Variants in ATG9B observed in about 807,000 individuals in gnomAD.
ATG9B encodes the protein autophagy related 9B.
A neutral mutation model predicts 92.9 loss-of-function variants in ATG9B; 92 were observed. The ratio of observed to expected loss-of-function variants is 0.99; its 90% CI spans 0.84 to 1.18. The LOEUF (loss-of-function observed/expected upper bound fraction) is 1.18, where lower values mean the gene tolerates loss of function less well. Among genes scored for constraint, ATG9B ranks in the 50% most tolerant of loss-of-function variants. The pLI is 0.00. For missense variants in ATG9B, 1,344 were observed against 1,235.0 expected (o/e 1.09, Z -1.32); for synonymous variants, 599 against 551.4 (o/e 1.09, Z -1.21).
rs1795724616 is a variant in ATG9B at position 151,021,014 on chromosome 7, G to A, written c.963+174C>T. 3 of 713,652 alleles carry A rather than the reference G, an allele frequency of 4.2e-6. No individual in the cohort carries two copies. In the East Asian group the frequency reaches 7.8e-5, roughly 19 times the overall value. The allele number at this position is 713,652 out of a possible 1,614,324, so 44.2% of individuals were successfully genotyped here. A position where few individuals can be genotyped will look rare whatever the true frequency, so the allele number is the denominator to read the frequency against. On this transcript the variant is annotated intron_variant, in intron 5 of 13. Transcript: ENST00000639579. Reference sequence around the variant, plus strand: ...TTAGGGTAAGGGCCATGCTCTCTAGGTGGTGGTAGCCCCCTCCTGACATTA... The same window carrying A: ...TTAGGGTAAGGGCCATGCTCTCTAGATGGTGGTAGCCCCCTCCTGACATTA...
chr7:151,023,019 C>T, intron 4 of ATG9B, 26 bp downstream of exon 4: 1 of 1,613,942 alleles, frequency 6.2e-7, no homozygotes, highest in Non-Finnish European at 8.5e-7. Flanking sequence ...GCTTCACCCC[C>T]AGGGCCCCAC....
chr7:151,012,566 C>T (rs769951750), downstream of ATG9B: 19 of 1,435,216 alleles, frequency 1.3e-5, no homozygotes, highest in Non-Finnish European at 1.8e-5. Flanking sequence ...AAAGAGAGGG[C>T]AGGAAACAAA....
Position 151,018,624 on chromosome 7 carries a change from C to T in ATG9B, c.1714G>A (p.Ala572Thr). Residue 572 changes from alanine (A) to threonine (T), a missense_variant, in exon 6 of 14, where the codon GCC (alanine) becomes ACC (threonine). Coordinates refer to ENST00000639579, the MANE Select transcript of ATG9B (RefSeq NM_001317056.2). This position sits in a 1 kb window ranked among gnomAD's most constrained non-coding sequence, Gnocchi z 4.7. The stretch of plus-strand genomic sequence containing the variant: ...CCCGGGCATCTGCCGTCGCACCTGG[C>T]GACGGTGGCGGTGACCCCGAGCGCG... ...MTALGVTATV[A>T]RSFIPEEQCQ... is the part of the protein sequence containing the mutation. 6.2e-7 allele frequency: 1 copy of T among 1,602,706 alleles called. No individual in the cohort carries two copies. The highest frequency in any genetic ancestry group is 2.3e-5 in the East Asian group (1 of 44,208).
chr7:151,012,380 C>A (rs533251778), downstream of ATG9B: 2 of 1,587,122 alleles, frequency 1.3e-6, no homozygotes, highest in East Asian at 2.3e-5. Flanking sequence ...CCACCCGATC[C>A]CAGCTTGCCC....
At position 151,015,717 on chromosome 7, in the gene ATG9B, TG is replaced by T; in HGVS notation, c.*15-5del. 1.0e-6 allele frequency: 1 copy of T among 955,728 alleles called. No individual in the cohort carries two copies. Among genetic ancestry groups the T allele is most frequent in the Non-Finnish European group, 1.4e-6 (1 of 690,140 alleles). The allele number at this position is 955,728 out of a possible 1,614,324, so 59.2% of individuals were successfully genotyped here. On this transcript the variant is annotated splice_polypyrimidine_tract_variant and splice_region_variant and intron_variant, in intron 13 of 13. Transcript: ENST00000639579. ...GTGGCTGCCGAAGCCAGGGTACCTG[TG>T]GGAGGAGACGGCTCTTGGCAAGCAG...
chr7:151,015,094 G>C (rs1306262701), downstream of ATG9B: 1 of 152,218 alleles, frequency 6.6e-6, no homozygotes, highest in African/African-American at 2.4e-5. Context: ...CGAGAAGGCA[G>C]GTGCAGCACT....
chr7:151,013,721 C>T, downstream of ATG9B: 1 of 1,596,554 alleles, frequency 6.3e-7, no homozygotes, highest in Non-Finnish European at 8.5e-7. Context: ...CGCCGCCCCG[C>T]AGACCTACGT....
chr7:151,022,893 A>G (rs1372376788), intron 4 of ATG9B, 152 bp downstream of exon 4: 1 of 939,284 alleles, frequency 1.1e-6, no homozygotes, highest in Non-Finnish European at 1.6e-6. Flanking sequence ...ACACTTAAGT[A>G]CAACTTAAAG....
Position 151,018,325 on chromosome 7 carries a change from C to T in ATG9B, c.1841G>A (p.Arg614Gln), listed in dbSNP as rs1160578190. Residue 614 changes from arginine to glutamine, a missense_variant, in exon 7 of 14, where the codon CGG becomes CAG. By Grantham distance (43) the Arg-to-Gln change is conservative. Coordinates refer to ENST00000639579, the MANE Select transcript of ATG9B (RefSeq NM_001317056.2). The surrounding 1 kb of genome is among the most constrained non-coding windows in gnomAD (Gnocchi z 4.7). ...GTACTGCAGCAGCTGCGCCATCTGC[C>T]GGTAGGCGCGGTCCCTGCCGCCGGG... ...PGPGGRDRAY[R>Q]QMAQLLQYRA... The T allele has an allele frequency of 1.9e-6, 3 of 1,586,968 alleles. No homozygotes were observed. Among genetic ancestry groups the T allele is most frequent in the Non-Finnish European group, 2.6e-6 (3 of 1,170,410 alleles).
Position 151,018,584 on chromosome 7 carries a change from A to C in ATG9B, c.1718+36T>G. 1.9e-6 allele frequency: 3 copies of C among 1,580,986 alleles called. No homozygotes were observed. The highest frequency in any genetic ancestry group is 2.6e-6 in the Non-Finnish European group (3 of 1,169,710). ...CACATGGCCCCAGATCAGAGAAACCAACACACACCACCACCCCGGGCATCT... is the reference window on the plus strand; with the variant it reads ...CACATGGCCCCAGATCAGAGAAACCCACACACACCACCACCCCGGGCATCT... On this transcript the variant is annotated intron_variant, in intron 6 of 13. Transcript: ENST00000639579. This position sits in a 1 kb window ranked among gnomAD's most constrained non-coding sequence, Gnocchi z 4.7.
chr7:151,019,445 C>T (rs2117166156), intron 5 of ATG9B, 71 bp from the exon 6 acceptor site: 2 of 1,467,778 alleles, frequency 1.4e-6, no homozygotes, highest in Non-Finnish European at 1.8e-6. Context: ...CTCCACACCC[C>T]TAAGTGTGCG....
chr7:151,012,529 G>A, downstream of ATG9B: 1 of 1,567,584 alleles, frequency 6.4e-7, no homozygotes, highest in Admixed American at 1.8e-5. Flanking sequence ...AGGGACAGAG[G>A]GGTGGGGCTG....
Position 151,015,650 on chromosome 7 carries a change from C to A in ATG9B, c.*78G>T. ...GGCCTGTCATCTATGGGGCCTCTAA[C>A]AATGACTCCTTGTGTTTTTCTACTC... On this transcript the variant is annotated 3_prime_UTR_variant, in exon 14 of 14. Transcript: ENST00000639579. 2.1e-6 allele frequency: 1 copy of A among 471,650 alleles called. No homozygotes were observed. The highest frequency in any genetic ancestry group is 3.5e-6 in the Non-Finnish European group (1 of 282,768). 29.2% of individuals were successfully genotyped at this position (471,650 alleles called of 1,614,324 possible). A position where few individuals can be genotyped will look rare whatever the true frequency, so the allele number is the denominator to read the frequency against.
chr7:151,012,254 G>A, downstream of ATG9B: 1 of 1,033,952 alleles, frequency 9.7e-7, no homozygotes, highest in Non-Finnish European at 1.3e-6. Flanking sequence ...TTTGAGATGG[G>A]AAGAACTTGG....
Position 151,023,867 on chromosome 7 carries a change from C to A in ATG9B, c.550+7G>T, listed in dbSNP as rs763802811. 5.0e-6 allele frequency: 8 copies of A among 1,611,024 alleles called. No individual in the cohort carries two copies. The highest frequency in any genetic ancestry group is 6.8e-6 in the Non-Finnish European group (8 of 1,178,756). ...TAACCCTCTCCCACCCACACCCACA[C>A]ACATACCTCGGAGCCCTTCAGGGAC... is the stretch of plus-strand genomic sequence containing the variant. On this transcript the variant is annotated splice_region_variant and intron_variant, in intron 1 of 13. Transcript: ENST00000639579.
rs762325109 is a variant in ATG9B, at chr7:151,021,245, G to T, written c.906C>A (p.Asn302Lys). The change falls in exon 5 of 14, where the codon AAC becomes AAA. Residue 302 changes from asparagine to lysine, a missense_variant. By Grantham distance (94) the Asn-to-Lys change is moderately conservative. Coordinates refer to ENST00000639579, the MANE Select transcript of ATG9B (RefSeq NM_001317056.2). Reference sequence around the variant, plus strand: ...CCTGGATGTCCCAGTAGCTGAAGAGGTTGCAGACTGAGCGAAGCAGTTGGA... The same window carrying T: ...CCTGGATGTCCCAGTAGCTGAAGAGTTTGCAGACTGAGCGAAGCAGTTGGA... ...WLVQLLRSVC[N>K]LFSYWDIQVF... is the part of the protein sequence containing the mutation. 1 of 1,613,446 alleles carries T rather than the reference G, an allele frequency of 6.2e-7. No individual in the cohort carries two copies. Among genetic ancestry groups the T allele is most frequent in the South Asian group, 1.1e-5 (1 of 91,080 alleles).
chr7:151,023,246 T>A, intron 3 of ATG9B, 40 bp from the exon 4 acceptor site: 1 of 1,613,346 alleles, frequency 6.2e-7, no homozygotes, highest in African/African-American at 1.3e-5. Context: ...GCTGCAGTGA[T>A]CAGGGACAGC....
Position 151,018,597 on chromosome 7 carries a change from AC to A in ATG9B, c.1718+22del. 1.3e-6 allele frequency: 2 copies of A among 1,587,686 alleles called. No individual in the cohort carries two copies. The highest frequency in any genetic ancestry group is 1.7e-6 in the Non-Finnish European group (2 of 1,172,312). ...ATCAGAGAAACCAACACACACCACC[AC>A]CCCGGGCATCTGCCGTCGCACCTGG... On this transcript the variant is annotated intron_variant, in intron 6 of 13. Coordinates refer to ENST00000639579, the MANE Select transcript of ATG9B (RefSeq NM_001317056.2). The surrounding 1 kb of genome is among the most constrained non-coding windows in gnomAD (Gnocchi z 4.7).
downstream of ATG9B, chr7:151,013,900 C>G: frequency 3.1e-6 from 5 of 1,599,590 alleles, no homozygotes; most frequent in Non-Finnish European, 4.3e-6. Flanking sequence ...AGGCCGGCGA[C>G]GTCATCGGCG....
Sources: gnomAD v4.1 joint callset for allele counts on GRCh38, gnomAD v4.1.1 for gene constraint, Gnocchi (gnomAD v3.1) non-coding constraint, MANE v1.5 for transcripts, NCBI Gene and HGNC (gene_info 2026-07-23, HGNC 2026-07-21) for gene names.